FAM193B: variants seen among roughly 807,000 people sequenced by gnomAD.
FAM193B encodes the protein family with sequence similarity 193 member B.
In FAM193B, 27 loss-of-function variants were observed where a neutral mutation model predicts 70.7. The observed-to-expected ratio is 0.38, with a 90% CI of 0.28 to 0.53. The LOEUF (loss-of-function observed/expected upper bound fraction) is 0.53, where lower values mean the gene tolerates loss of function less well. Ranked by LOEUF, FAM193B falls within the 20% of genes least tolerant of loss-of-function variation. The pLI is 0.81. For missense variants in FAM193B, 1,022 were observed against 1,072.5 expected, an observed-to-expected ratio of 0.95 and a Z score of 0.66; for synonymous variants, 448 against 436.0, an observed-to-expected ratio of 1.03 and a Z score of -0.34.
rs758308940 is a variant in FAM193B, at chr5:177,554,268, T to A, written c.191A>T (p.Asn64Ile). The A allele has an allele frequency of 6.8e-7, 1 of 1,475,392 alleles. No individual in the cohort carries two copies. The highest frequency in any genetic ancestry group is 9.0e-7 in the Non-Finnish European group (1 of 1,116,548). The allele number at this position is 1,475,392 out of a possible 1,614,324, so 91.4% of individuals were successfully genotyped here. A position where few individuals can be genotyped will look rare whatever the true frequency, so the allele number is the denominator to read the frequency against. The part of the protein sequence containing the change: ...HDGPREDDEP[N>I]LVPGPQVPPA... ...TCCTACCTGCGGGCCGGGCACCAGG[T>A]TGGGTTCGTCATCCTCCCTGGGGCC... Residue 64 changes from asparagine to isoleucine, a missense_variant, in exon 1 of 9, where the codon AAC becomes ATC. Coordinates refer to ENST00000514747, the MANE Select transcript of FAM193B (RefSeq NM_001190946.3).
Position 177,554,322 on chromosome 5 carries a change from G to A in FAM193B, c.137C>T (p.Pro46Leu), listed in dbSNP as rs1304493725. 62 of 1,332,652 alleles carry A rather than the reference G, an allele frequency of 4.7e-5. No individual in the cohort carries two copies. Among genetic ancestry groups the A allele is most frequent in the Non-Finnish European group, 6.0e-5 (62 of 1,036,218 alleles). 82.6% of individuals were successfully genotyped at this position (1,332,652 alleles called of 1,614,324 possible). The stretch of plus-strand genomic sequence containing the variant: ...GTGGTCGGGCTCCGCCGGCGCCTCC[G>A]GAGGGCCTGCACCCGCTCCCGCCTC... The part of the protein sequence containing the change: ...SLEAGAGAGP[P>L]EAPAEPDHDG... Residue 46 changes from proline (P) to leucine (L), a missense_variant, in exon 1 of 9, where the codon CCG becomes CTG. Transcript: ENST00000514747.
chr5:177,526,211 T>C (rs1019969587), intron 5 of FAM193B, among the ~76,000 whole-genome samples: 1 of 152,208 alleles, frequency 6.6e-6, no homozygotes, highest in Non-Finnish European at 1.5e-5. Flanking sequence ...TGGACTACAG[T>C]CAATTGTTCT....
intron 5 of FAM193B, among the ~76,000 whole-genome samples, chr5:177,529,481 C>T (rs1365490345): frequency 1.3e-5 from 2 of 152,074 alleles, no homozygotes; most frequent in African/African-American, 2.4e-5. Flanking sequence ...TGCAGCCCCA[C>T]GACTAAGTCT....
intron 4 of FAM193B, among the ~76,000 whole-genome samples, chr5:177,534,179 G>A (rs1437746505): frequency 6.6e-6 from 1 of 152,160 alleles, no homozygotes; most frequent in Non-Finnish European, 1.5e-5. Flanking sequence ...TAGAAAGGAT[G>A]CTAAGCATGT....
chr5:177,531,392 C>T (rs772296084), intron 5 of FAM193B: 15 of 1,337,992 alleles, frequency 1.1e-5, no homozygotes, highest in Non-Finnish European at 1.4e-5. Flanking sequence ...CGGTGGTCCA[C>T]GGCGGGCTCC....
chr5:177,547,912 G>A (rs947464813), intron 1 of FAM193B, among the ~76,000 whole-genome samples: 2 of 152,134 alleles, frequency 1.3e-5, no homozygotes, highest in Admixed American at 1.3e-4. Flanking sequence ...TGCTGTGCTG[G>A]GAGCCACCCA....
At chr5:177,522,646 C>T (rs911259812) in intron 7 of FAM193B, among the ~76,000 whole-genome samples, 4 of 151,944 alleles carry the variant, frequency 2.6e-5, no homozygotes, top group African/African-American at 9.7e-5. Context: ...GGCCTTCCCA[C>T]ATACTTTAAA....
At chr5:177,524,107 C>G in intron 6 of FAM193B, 75 bp from the exon 7 acceptor site, 1 of 1,611,526 alleles carries the variant, frequency 6.2e-7, no homozygotes, top group Non-Finnish European at 8.5e-7. Context: ...GCAGCGCTGT[C>G]TACACACAAA....
chr5:177,532,656 GAAGGCCCA>G lies in FAM193B; in HGVS notation c.1077-23_1077-16del. ...ACCCGGGATCCCTGATGATGGGGAG[GAAGGCCCA>G]GAGGTGAGGCAGGGTGATGCAGAAA... On this transcript the variant is annotated splice_polypyrimidine_tract_variant and intron_variant, in intron 4 of 8. Transcript: ENST00000514747. The surrounding 1 kb of genome is among the most constrained non-coding windows in gnomAD (Gnocchi z 4.9). 1 of 1,523,128 alleles carries G rather than the reference GAAGGCCCA, an allele frequency of 6.6e-7. No homozygotes were observed. Among genetic ancestry groups the G allele is most frequent in the Non-Finnish European group, 8.7e-7 (1 of 1,144,172 alleles). The allele number at this position is 1,523,128 out of a possible 1,614,324, so 94.4% of individuals were successfully genotyped here.
intron 3 of FAM193B, 140 bp from the exon 4 acceptor site, chr5:177,536,885 A>G (rs1764241915): frequency 1.7e-6 from 2 of 1,199,524 alleles, no homozygotes; most frequent in African/African-American, 3.2e-5. Flanking sequence ...GGAGCTGCAG[A>G]AGATTCTGTG....
intron 5 of FAM193B, among the ~76,000 whole-genome samples, chr5:177,528,867 T>C (rs1341953078): frequency 4.6e-5 from 7 of 151,774 alleles, no homozygotes; most frequent in African/African-American, 1.7e-4. Context: ...GATTCACTCA[T>C]GTGCTTTTCT....
At chr5:177,541,671 G>C (rs1200002961) in intron 1 of FAM193B, among the ~76,000 whole-genome samples, 1 of 152,070 alleles carries the variant, frequency 6.6e-6, no homozygotes, top group Non-Finnish European at 1.5e-5. Flanking sequence ...CGCCCGCCTC[G>C]GCCTCCCAAA....
intron 5 of FAM193B, among the ~76,000 whole-genome samples, chr5:177,526,954 CT>C (rs903120543): frequency 6.6e-6 from 1 of 152,212 alleles, no homozygotes; most frequent in African/African-American, 2.4e-5. Context: ...AGCAAACAGC[CT>C]GTTGAATTCA....
Position 177,529,206 on chromosome 5 carries a change from C to A in FAM193B, c.1275+3237G>T, listed in dbSNP as rs550153372. ...CTCTGCTCCCTTCTCCCACTGTCAG[C>A]CCATGACTCTCTCACCTTCGTGTAG... is the stretch of plus-strand genomic sequence containing the variant. On this transcript the variant is annotated intron_variant, in intron 5 of 8. Transcript: ENST00000514747. Among the ~76,000 whole-genome samples, 9 of 151,500 alleles carry A rather than the reference C, an allele frequency of 5.9e-5. No individual in the cohort carries two copies. The South Asian group carries it at 1.7e-3, about 28-fold the overall frequency.
chr5:177,524,936 T>C lies in FAM193B; in HGVS notation c.1545A>G (p.Leu515=). 1 of 1,506,338 alleles carries C rather than the reference T, an allele frequency of 6.6e-7. No individual in the cohort carries two copies. Among genetic ancestry groups the C allele is most frequent in the Non-Finnish European group, 8.9e-7 (1 of 1,129,124 alleles). The allele number at this position is 1,506,338 out of a possible 1,614,324, so 93.3% of individuals were successfully genotyped here. A position where few individuals can be genotyped will look rare whatever the true frequency, so the allele number is the denominator to read the frequency against. Residue 515 remains leucine, a synonymous_variant, in exon 6 of 9, where the codon CTA becomes CTG. Coordinates refer to ENST00000514747, the MANE Select transcript of FAM193B (RefSeq NM_001190946.3). The part of the protein sequence containing the change: ...EGAAEPEPQS[L]PPSNLSGSSE... ...AGGAGCCACTGAGGTTTGAGGGGGG[T>C]AGACTCTGAGGCTCAGGCTCAGCAG...
In FAM193B at chr5:177,547,657, CCTT is replaced by C. The variant is rs376947357; in HGVS notation, c.210+6589_210+6591del. On this transcript the variant is annotated intron_variant, in intron 1 of 8. Coordinates refer to ENST00000514747, the MANE Select transcript of FAM193B (RefSeq NM_001190946.3). ...TCAAGGCCTCTTTGAACCCCCAGCT[CCTT>C]GTTTTCTGGCTATAACTTCCTAATA... 6.6e-5 allele frequency among the ~76,000 whole-genome samples: 10 copies of C among 152,266 alleles called. No individual in the cohort carries two copies. The East Asian group carries it at 1.7e-3, about 26-fold the overall frequency.
intron 1 of FAM193B, among the ~76,000 whole-genome samples, chr5:177,548,401 T>C (rs1369209925): frequency 6.6e-6 from 1 of 152,226 alleles, no homozygotes; most frequent in African/African-American, 2.4e-5. Context: ...ACAATGGAAG[T>C]TGGCAAATAT....
chr5:177,546,294 A>ATG (rs1765416535), intron 1 of FAM193B, among the ~76,000 whole-genome samples: 1 of 152,204 alleles, frequency 6.6e-6, no homozygotes, highest in Admixed American at 6.5e-5. Flanking sequence ...CATCATCAAA[A>ATG]TGTGCCACAG....
intron 1 of FAM193B, among the ~76,000 whole-genome samples, chr5:177,545,172 TG>T (rs1765264680): frequency 6.6e-6 from 1 of 152,132 alleles, no homozygotes; most frequent in African/African-American, 2.4e-5. Context: ...GCCTCCCAAG[TG>T]GCTAGGATTA....
Sources: allele counts gnomAD v4.1 joint callset (sites outside exome capture counted in the v4.1 genomes callset), GRCh38; gene constraint gnomAD v4.1.1; non-coding constraint Gnocchi (gnomAD v3.1); transcripts MANE v1.5; gene names NCBI Gene and HGNC (gene_info 2026-07-23, HGNC 2026-07-21).